ANKRD30B: variants seen among roughly 807,000 people sequenced by gnomAD.
ANKRD30B encodes ankyrin repeat domain-containing protein 30B.
In ANKRD30B, 144 loss-of-function variants were observed where a neutral mutation model predicts 202.2. The ratio of observed to expected loss-of-function variants is 0.71; its 90% confidence interval spans 0.62 to 0.82. The LOEUF (loss-of-function observed/expected upper bound fraction) is 0.82, where lower values mean the gene tolerates loss of function less well. Ranked by LOEUF, ANKRD30B falls within the 40% of genes least tolerant of loss-of-function variation. ANKRD30B has a pLI of 0.00. For missense variants in ANKRD30B, 1,487 were observed against 1,669.1 expected (o/e 0.89, Z 1.90); for synonymous variants, 508 against 561.3 (o/e 0.91, Z 1.34).
intron 30 of ANKRD30B, chr18:14,816,621 G>T (rs2144086628): frequency 6.6e-6 from 1 of 150,706 alleles, no homozygotes; most frequent in Non-Finnish European, 1.5e-5. Context: ...CTCCAGCCTG[G>T]GTGACAGGGC....
In ANKRD30B at chr18:14,762,405, T is replaced by C. The variant is rs141958956; in HGVS notation, c.821-1281T>C. Among the ~76,000 whole-genome samples, 4 of 152,204 alleles carry C rather than the reference T, an allele frequency of 2.6e-5. No individual in the cohort carries two copies. In the East Asian group the frequency reaches 5.8e-4, roughly 22 times the overall value. ...CTTAGCCAGGGTGCATCAGTACCAATAGGAGATTATCTTTCAAAGATACCT... is the reference window on the plus strand; with the variant it reads ...CTTAGCCAGGGTGCATCAGTACCAACAGGAGATTATCTTTCAAAGATACCT... On this transcript the variant is annotated intron_variant, in intron 6 of 43. Transcript: ENST00000690538.
rs778503739 is a variant in ANKRD30B, at chr18:14,787,117, A to T, written c.1734+17A>T. 16 of 1,590,304 alleles carry T rather than the reference A, an allele frequency of 1.0e-5. No individual in the cohort carries two copies. The highest frequency in any genetic ancestry group is 2.2e-5 in the East Asian group (1 of 44,460). On this transcript the variant is annotated intron_variant, in intron 15 of 43. Transcript: ENST00000690538. ...GATTCTGAGGTACTATGTGTTATTG[A>T]TTTTTTTAAATATTAGTATTGCATG...
the ANKRD30B span, among the ~76,000 whole-genome samples, chr18:14,897,297 C>T: frequency 6.6e-6 from 1 of 152,152 alleles, no homozygotes; most frequent in Non-Finnish European, 1.5e-5. Flanking sequence ...TCTTGTTCCT[C>T]AGCCTCCCCT....
At chr18:14,931,134 G>T in the ANKRD30B span, among the ~76,000 whole-genome samples, 4 of 152,202 alleles carry the variant, frequency 2.6e-5, no homozygotes, top group African/African-American at 9.6e-5. Context: ...GTAATGACCT[G>T]CCAGGCTACT....
At chr18:14,909,551 G>A in the ANKRD30B span, among the ~76,000 whole-genome samples, 1 of 151,992 alleles carries the variant, frequency 6.6e-6, no homozygotes, top group Non-Finnish European at 1.5e-5. Flanking sequence ...GGGGTTACAG[G>A]CGCGCACCAC....
At chr18:14,856,678 A>C (rs1598730164), downstream of ANKRD30B, among the ~76,000 whole-genome samples, 7 of 112,136 alleles carry the variant, frequency 6.2e-5, no homozygotes, top group Middle Eastern at 7.2e-3. Flanking sequence ...CTCCTCACCT[A>C]CCAGATGATG....
chr18:14,796,290 A>G, intron 17 of ANKRD30B, 41 bp downstream of exon 17: 2 of 1,610,274 alleles, frequency 1.2e-6, no homozygotes, highest in Non-Finnish European at 1.7e-6. Flanking sequence ...CTAACTACAT[A>G]TTTTAGGAAG....
chr18:14,924,567 A>G, the ANKRD30B span, among the ~76,000 whole-genome samples: 6 of 152,226 alleles, frequency 3.9e-5, no homozygotes, highest in African/African-American at 7.2e-5. Flanking sequence ...CCCTAATACA[A>G]GAGTGAGAGA....
chr18:14,816,115 A>T (rs1216977412), intron 30 of ANKRD30B: 1 of 152,184 alleles, frequency 6.6e-6, no homozygotes, highest in Non-Finnish European at 1.5e-5. Context: ...AATTATTATA[A>T]TGTGTTGCAT....
chr18:14,840,712 T>A (rs1361296690), intron 37 of ANKRD30B, 34 bp downstream of exon 37: 1 of 1,257,860 alleles, frequency 8.0e-7, no homozygotes, highest in East Asian at 2.6e-5. Flanking sequence ...ACATCTTTTG[T>A]CCAAATGTTT....
rs746818138 is a variant in ANKRD30B at position 14,851,664 on chromosome 18, A to C, written c.3720A>C (p.Glu1240Asp). The part of the protein sequence containing the change: ...KYFEDIKILQ[E>D]KNAELQMTLK... ...TTGAGGACATTAAGATTTTACAAGAAAAGAATGCTGAACTTCAAATGACCC... is the reference window on the plus strand; with the variant it reads ...TTGAGGACATTAAGATTTTACAAGACAAGAATGCTGAACTTCAAATGACCC... Residue 1240 changes from glutamate to aspartate, a missense_variant, in exon 42 of 44, where the codon GAA (glutamate) becomes GAC (aspartate). Glu to Asp is a conservative substitution (Grantham distance 45, BLOSUM62 2). This residue lies in a region of ANKRD30B where 177 missense variants were observed against 216.4 expected (regional missense o/e 0.82). Transcript: ENST00000690538. The C allele has an allele frequency of 7.4e-6, 12 of 1,611,238 alleles. No homozygotes were observed. The East Asian group carries it at 2.7e-4, about 36-fold the overall frequency.
the ANKRD30B span, among the ~76,000 whole-genome samples, chr18:14,904,941 TAGG>T: frequency 6.6e-6 from 1 of 152,148 alleles, no homozygotes; most frequent in South Asian, 2.1e-4. Flanking sequence ...CAAGATGAGA[TAGG>T]AGGTTGGCAT....
chr18:14,904,752 T>C, the ANKRD30B span, among the ~76,000 whole-genome samples: 1 of 152,178 alleles, frequency 6.6e-6, no homozygotes, highest in Admixed American at 6.5e-5. Flanking sequence ...AGTGAGGTGG[T>C]TGGATTACAG....
At position 14,838,132 on chromosome 18, in the gene ANKRD30B, A is replaced by G. The variant is rs571451517; in HGVS notation, c.2988+456A>G. ...GCAATTCTGCTAATTTGCAGGATTAATTTTGAAGCCAGTGTAGAATAGTGC... is the reference window on the plus strand; with the variant it reads ...GCAATTCTGCTAATTTGCAGGATTAGTTTTGAAGCCAGTGTAGAATAGTGC... On this transcript the variant is annotated intron_variant, in intron 36 of 43. Coordinates refer to ENST00000690538, the MANE Select transcript of ANKRD30B (RefSeq NM_001367607.2). 2.0e-5 allele frequency among the ~76,000 whole-genome samples: 3 copies of G among 152,404 alleles called. No homozygotes were observed. The South Asian group carries it at 6.2e-4, about 32-fold the overall frequency.
chr18:14,877,639 G>A, the ANKRD30B span: 1 of 151,864 alleles, frequency 6.6e-6, no homozygotes, highest in Non-Finnish European at 1.5e-5. Flanking sequence ...GAACAGATGA[G>A]AAAACTGAGG....
chr18:14,907,703 G>A, the ANKRD30B span, among the ~76,000 whole-genome samples: 1 of 152,184 alleles, frequency 6.6e-6, no homozygotes, highest in African/African-American at 2.4e-5. Context: ...GGACAGAGAA[G>A]ACACTGCGTC....
intron 9 of ANKRD30B, among the ~76,000 whole-genome samples, chr18:14,773,943 G>A (rs1167875136): frequency 2.0e-5 from 3 of 151,764 alleles, no homozygotes; most frequent in East Asian, 3.9e-4. Context: ...TTGAGCCCCC[G>A]CGCCCATCCA....
chr18:14,879,430 C>T, the ANKRD30B span, among the ~76,000 whole-genome samples: 1 of 152,132 alleles, frequency 6.6e-6, no homozygotes, highest in Non-Finnish European at 1.5e-5. Context: ...TGCACTGCCT[C>T]AATACAAAAA....
chr18:14,912,052 C>A, the ANKRD30B span, among the ~76,000 whole-genome samples: 1 of 152,074 alleles, frequency 6.6e-6, no homozygotes, highest in Admixed American at 6.5e-5. Flanking sequence ...ACATATAGAT[C>A]ATATTATCAG....
Sources: gnomAD v4.1 joint callset for allele counts (sites outside exome capture counted in the v4.1 genomes callset) on GRCh38, gnomAD v4.1.1 for gene constraint, gnomAD v4.1.1 regional missense constraint, MANE v1.5 for transcripts, NCBI Gene and HGNC (gene_info 2026-07-23, HGNC 2026-07-21) for gene names.